KRAS: variants seen among roughly 807,000 people sequenced by gnomAD.
KRAS encodes the protein KRas proto-oncogene, GTPase.
KRAS carries 1 observed loss-of-function variant against 21.0 expected under a neutral mutation model. The ratio of observed to expected loss-of-function variants is 0.05; its 90% CI spans 0.02 to 0.23. The LOEUF is 0.23. Among genes scored for constraint, KRAS ranks in the 10% least tolerant of loss-of-function variants. The pLI is 1.00. For synonymous variants in KRAS, 67 were observed against 72.5 expected (o/e 0.92, Z 0.39); for missense variants, 107 against 221.8 (o/e 0.48, Z 3.29).
chr12:25,218,645 T>C (rs1268099928), intron 4 of KRAS, among the ~76,000 whole-genome samples: 1 of 152,224 alleles, frequency 6.6e-6, no homozygotes, highest in Non-Finnish European at 1.5e-5. Context: ...TTTAAAGTCA[T>C]ACTGACATCA....
intron 2 of KRAS, among the ~76,000 whole-genome samples, chr12:25,227,971 G>C (rs555340009): frequency 6.6e-6 from 1 of 152,096 alleles, no homozygotes; most frequent in African/African-American, 2.4e-5. Context: ...CAGATGAATG[G>C]ATAAACAAAA....
At position 25,208,953 on chromosome 12, in the gene KRAS, C is replaced by T. The variant is rs1312494838; in HGVS notation, c.*842G>A. 6.5e-6 allele frequency: 2 copies of T among 309,674 alleles called. No homozygotes were observed. Among genetic ancestry groups the T allele is most frequent in the Admixed American group, 9.7e-5 (2 of 20,602 alleles). The allele number at this position is 309,674 out of a possible 1,614,324, so 19.2% of individuals were successfully genotyped here. ...AGAGCAGTCTGACACAGGGAGACTA[C>T]ATTTAATTCCTATGAGAATTTTTTA... On this transcript the variant is annotated 3_prime_UTR_variant, in exon 5 of 5. Coordinates refer to ENST00000311936, the MANE Select transcript of KRAS (RefSeq NM_004985.5).
In KRAS at chr12:25,207,501, C is replaced by T. The variant is rs1294772743; in HGVS notation, c.*2294G>A. ...TGCATTCCAGCCTGGGTGACAAGAG[C>T]GAGACTCTGACACCAAAAAAAAAAA... On this transcript the variant is annotated 3_prime_UTR_variant, in exon 5 of 5. Coordinates refer to ENST00000311936, the MANE Select transcript of KRAS (RefSeq NM_004985.5). The T allele has an allele frequency of 1.7e-5, 3 of 173,074 alleles. No homozygotes were observed. The highest frequency in any genetic ancestry group is 3.3e-5 in the Non-Finnish European group (3 of 90,204). 10.7% of individuals were successfully genotyped at this position (173,074 alleles called of 1,614,324 possible).
chr12:25,232,627 A>T (rs183957429), intron 2 of KRAS, among the ~76,000 whole-genome samples: 1 of 152,198 alleles, frequency 6.6e-6, no homozygotes, highest in Middle Eastern at 3.2e-3. Flanking sequence ...TAGGTACATA[A>T]GTTACCAAGG....
At chr12:25,221,624 G>C (rs1951327329) in intron 4 of KRAS, among the ~76,000 whole-genome samples, 1 of 152,080 alleles carries the variant, frequency 6.6e-6, no homozygotes, top group Non-Finnish European at 1.5e-5. Flanking sequence ...GATACCACTT[G>C]TGGCCCTCAA....
At chr12:25,214,544 C>T (rs986402418) in intron 4 of KRAS, among the ~76,000 whole-genome samples, 4 of 152,104 alleles carry the variant, frequency 2.6e-5, no homozygotes, top group Non-Finnish European at 5.9e-5. Context: ...CGTGCCACCA[C>T]GCCCGGCTAA....
rs1951155034 is a variant in KRAS, at chr12:25,207,805, G to A, written c.*1990C>T. The A allele has an allele frequency of 8.6e-6, 2 of 233,034 alleles. No homozygotes were observed. Among genetic ancestry groups the A allele is most frequent in the East Asian group, 6.0e-5 (1 of 16,564 alleles). 14.4% of individuals were successfully genotyped at this position (233,034 alleles called of 1,614,324 possible). ...AGTGATTAGGTCAAATCCCTTTATG[G>A]TATCTGTCAGATTCTCTTGAGCCCT... On this transcript the variant is annotated 3_prime_UTR_variant, in exon 5 of 5. Transcript: ENST00000311936.
At chr12:25,249,730 G>C (rs1380309349) in intron 1 of KRAS, among the ~76,000 whole-genome samples, 1 of 151,858 alleles carries the variant, frequency 6.6e-6, no homozygotes, top group Non-Finnish European at 1.5e-5. Context: ...TTGAGATGTA[G>C]AACACATCTG....
chr12:25,239,933 A>G (rs1951590688), intron 2 of KRAS, among the ~76,000 whole-genome samples: 1 of 152,150 alleles, frequency 6.6e-6, no homozygotes, highest in Non-Finnish European at 1.5e-5. Flanking sequence ...AGCCTGGGCA[A>G]CAGAGCGAGA....
chr12:25,235,812 G>A (rs973217356), intron 2 of KRAS, among the ~76,000 whole-genome samples: 2 of 152,152 alleles, frequency 1.3e-5, no homozygotes, highest in African/African-American at 4.8e-5. Context: ...GACCAGTTTC[G>A]TGGAAGACAA....
chr12:25,247,113 ACCT>A (rs1487528263), intron 1 of KRAS, among the ~76,000 whole-genome samples: 1 of 152,172 alleles, frequency 6.6e-6, no homozygotes, highest in Admixed American at 6.5e-5. Context: ...GTTTAATTTC[ACCT>A]CCTTTCCCTC....
intron 2 of KRAS, among the ~76,000 whole-genome samples, chr12:25,241,255 A>C (rs990669028): frequency 6.6e-6 from 1 of 152,218 alleles, no homozygotes; most frequent in Non-Finnish European, 1.5e-5. Flanking sequence ...ATCATATAAG[A>C]CTTTTAAATA....
At chr12:25,211,880 T>C (rs1416302809) in intron 4 of KRAS, among the ~76,000 whole-genome samples, 2 of 152,186 alleles carry the variant, frequency 1.3e-5, no homozygotes, top group African/African-American at 2.4e-5. Flanking sequence ...TGTTTCCCAC[T>C]CTCTAATATC....
rs1306089842 is a variant in KRAS, at chr12:25,208,516, TTAA to T, written c.*1276_*1278del. ...TTCACTTCATTGTTTAAAAAAAAAA[TTAA>T]TGTCTTGGCACACCACCACCCCAAA... On this transcript the variant is annotated 3_prime_UTR_variant, in exon 5 of 5. Coordinates refer to ENST00000311936, the MANE Select transcript of KRAS (RefSeq NM_004985.5). 4.3e-6 allele frequency: 1 copy of T among 232,536 alleles called. No individual in the cohort carries two copies. Among genetic ancestry groups the T allele is most frequent in the African/African-American group, 2.2e-5 (1 of 45,232 alleles). The allele number at this position is 232,536 out of a possible 1,614,324, so 14.4% of individuals were successfully genotyped here. A position where few individuals can be genotyped will look rare whatever the true frequency, so the allele number is the denominator to read the frequency against.
intron 3 of KRAS, 104 bp downstream of exon 3, chr12:25,227,130 A>G: frequency 1.3e-6 from 1 of 763,472 alleles, no homozygotes; most frequent in South Asian, 2.0e-5. Context: ...ACATTATTTA[A>G]AAATTTTTAT....
chr12:25,213,477 CA>C (rs1951220608), intron 4 of KRAS, among the ~76,000 whole-genome samples: 1 of 152,086 alleles, frequency 6.6e-6, no homozygotes, highest in Non-Finnish European at 1.5e-5. Context: ...ATTTAACATG[CA>C]AAATTGCTTT....
intron 4 of KRAS, among the ~76,000 whole-genome samples, chr12:25,221,473 G>T (rs887455288): frequency 1.3e-5 from 2 of 152,080 alleles, no homozygotes; most frequent in Non-Finnish European, 2.9e-5. Flanking sequence ...ACCTCAGGTG[G>T]TGTGCCCACC....
chr12:25,240,148 T>A (rs1284098442), intron 2 of KRAS, among the ~76,000 whole-genome samples: 1 of 152,162 alleles, frequency 6.6e-6, no homozygotes, highest in Non-Finnish European at 1.5e-5. Flanking sequence ...TGAGCCACCA[T>A]ATCTGGCTTA....
chr12:25,221,305 T>G (rs1270078798), intron 4 of KRAS, among the ~76,000 whole-genome samples: 1 of 150,924 alleles, frequency 6.6e-6, no homozygotes, highest in African/African-American at 2.4e-5. Flanking sequence ...TGATCTGGGC[T>G]CACTACAGCC....
Sources: allele counts gnomAD v4.1 joint callset (sites outside exome capture counted in the v4.1 genomes callset), GRCh38; gene constraint gnomAD v4.1.1; transcripts MANE v1.5; gene names NCBI Gene and HGNC (gene_info 2026-07-23, HGNC 2026-07-21).